Variants in RBFOX1 observed in about 807,000 individuals in gnomAD.
RBFOX1 encodes RNA binding fox-1 homolog 1, also known as RNA binding protein fox-1 homolog 1.
Under a neutral mutation model 57.7 loss-of-function variants are expected in RBFOX1, and 8 were observed. The observed-to-expected ratio is 0.14, with a 90% CI of 0.08 to 0.25. RBFOX1 has a LOEUF of 0.25. Ranked by LOEUF, RBFOX1 falls within the 10% of genes least tolerant of loss-of-function variation. The pLI is 1.00. For synonymous variants in RBFOX1, 326 were observed against 222.4 expected, an observed-to-expected ratio of 1.47 and a Z score of -4.15; for missense variants, 611 against 548.5, an observed-to-expected ratio of 1.11 and a Z score of -1.14.
intron 3 of RBFOX1, among the ~76,000 whole-genome samples, chr16:5,794,870 G>A (rs961129957): frequency 3.3e-5 from 5 of 152,096 alleles, no homozygotes; most frequent in African/African-American, 9.7e-5. Flanking sequence ...CTACTATGGC[G>A]ACATTCGGCA....
At chr16:6,835,607 G>C (rs977972776) in intron 3 of RBFOX1, among the ~76,000 whole-genome samples, 1 of 151,838 alleles carries the variant, frequency 6.6e-6, no homozygotes, top group African/African-American at 2.4e-5. Flanking sequence ...AAAAAAAGTA[G>C]CTGGGCATGG....
chr16:5,447,263 G>A (rs936389805), intron 1 of RBFOX1, among the ~76,000 whole-genome samples: 6 of 152,082 alleles, frequency 3.9e-5, no homozygotes, highest in African/African-American at 1.4e-4. Flanking sequence ...CCTGGAGTTA[G>A]GCATGAGGTC....
chr16:7,235,089 A>G (rs1055540987), intron 4 of RBFOX1, among the ~76,000 whole-genome samples: 1 of 152,202 alleles, frequency 6.6e-6, no homozygotes, highest in African/African-American at 2.4e-5. Flanking sequence ...GAAGAATGTA[A>G]AACAGAAAAA....
At chr16:6,195,200 C>T (rs372007103) in intron 1 of RBFOX1, among the ~76,000 whole-genome samples, 1 of 152,154 alleles carries the variant, frequency 6.6e-6, no homozygotes, top group African/African-American at 2.4e-5. Flanking sequence ...TTACCTACCG[C>T]CTTTTTATCC....
intron 1 of RBFOX1, among the ~76,000 whole-genome samples, chr16:6,020,395 C>T (rs1036301152): frequency 6.6e-6 from 1 of 152,158 alleles, no homozygotes. Flanking sequence ...CCGCTGCCTC[C>T]GCCCGCAGGG....
intron 1 of RBFOX1, among the ~76,000 whole-genome samples, chr16:6,181,000 G>A (rs913153232): frequency 6.6e-6 from 1 of 152,178 alleles, no homozygotes; most frequent in East Asian, 1.9e-4. Flanking sequence ...TGATGGGTTT[G>A]TGTGTATGTG....
At position 6,650,925 on chromosome 16, in the gene RBFOX1, C is replaced by CA. The variant is rs113735133; in HGVS notation, c.-63-3677dup. Reference sequence around the variant, plus strand: ...TGATTGGTTGGTTGTTTTTTGGAAACAGAGTCTCACTTCGTTGCCCAGGCT... The same window carrying CA: ...TGATTGGTTGGTTGTTTTTTGGAAACAAGAGTCTCACTTCGTTGCCCAGGCT... On this transcript the variant is annotated intron_variant, in intron 2 of 15. Coordinates refer to ENST00000550418, the MANE Select transcript of RBFOX1 (RefSeq NM_018723.4). Among the ~76,000 whole-genome samples, 35 of 152,154 alleles carry CA rather than the reference C, an allele frequency of 2.3e-4. 1 individual carries two copies. Among genetic ancestry groups the CA allele is most frequent in the African/African-American group, 7.9e-4 (33 of 41,540 alleles).
chr16:6,800,463 A>T (rs192231375), intron 3 of RBFOX1, among the ~76,000 whole-genome samples: 1 of 151,958 alleles, frequency 6.6e-6, no homozygotes, highest in Admixed American at 6.5e-5. Flanking sequence ...TTTTGGTTCA[A>T]TAAGTCTCGG....
chr16:7,072,476 C>T (rs923830878), intron 4 of RBFOX1, among the ~76,000 whole-genome samples: 1 of 152,194 alleles, frequency 6.6e-6, no homozygotes, highest in Non-Finnish European at 1.5e-5. Flanking sequence ...ACTCTACTCT[C>T]TACTGCCTAT....
At chr16:6,497,707 C>G (rs1417363696) in intron 2 of RBFOX1, among the ~76,000 whole-genome samples, 1 of 151,928 alleles carries the variant, frequency 6.6e-6, no homozygotes, top group African/African-American at 2.4e-5. Context: ...CAGGCAGATA[C>G]CACCATGCCT....
chr16:5,779,039 A>G (rs1467409998), intron 3 of RBFOX1, among the ~76,000 whole-genome samples: 1 of 152,212 alleles, frequency 6.6e-6, no homozygotes, highest in African/African-American at 2.4e-5. Context: ...GAACCAACCT[A>G]TTACTAGAAA....
chr16:6,710,561 C>G (rs966740813), intron 3 of RBFOX1, among the ~76,000 whole-genome samples: 2 of 152,228 alleles, frequency 1.3e-5, no homozygotes, highest in East Asian at 1.9e-4. Context: ...AGGTGCAGGT[C>G]TGGCTGATCC....
chr16:5,673,795 C>T (rs567042083), intron 3 of RBFOX1, among the ~76,000 whole-genome samples: 1 of 152,196 alleles, frequency 6.6e-6, no homozygotes, highest in Non-Finnish European at 1.5e-5. Flanking sequence ...AATTCTTGGC[C>T]TCATTGTAGG....
At chr16:7,354,913 T>C (rs2097188415) in intron 4 of RBFOX1, among the ~76,000 whole-genome samples, 1 of 152,236 alleles carries the variant, frequency 6.6e-6, no homozygotes, top group Non-Finnish European at 1.5e-5. Flanking sequence ...ATTGTATTGC[T>C]ATCTTGTGGT....
chr16:6,532,195 T>C (rs2096667571), intron 2 of RBFOX1, among the ~76,000 whole-genome samples: 1 of 152,176 alleles, frequency 6.6e-6, no homozygotes, highest in African/African-American at 2.4e-5. Flanking sequence ...GGAAACTCTT[T>C]ATCTTCCAGA....
At chr16:7,568,738 T>A (rs2092414874) in intron 5 of RBFOX1, among the ~76,000 whole-genome samples, 1 of 151,676 alleles carries the variant, frequency 6.6e-6, no homozygotes, top group African/African-American at 2.4e-5. Context: ...ACAAAAAAAA[T>A]TAGCCGGGCA....
At chr16:7,041,741 C>G (rs2046256258) in intron 3 of RBFOX1, among the ~76,000 whole-genome samples, 2 of 152,120 alleles carry the variant, frequency 1.3e-5, no homozygotes, top group South Asian at 4.1e-4. Context: ...GGAACAAAGC[C>G]AGGATTTGGA....
At chr16:5,765,302 G>T (rs1357342448) in intron 3 of RBFOX1, among the ~76,000 whole-genome samples, 3 of 152,092 alleles carry the variant, frequency 2.0e-5, no homozygotes, top group Non-Finnish European at 2.9e-5. Context: ...ACAACACTGT[G>T]GTTTATAAAA....
At chr16:7,693,100 A>G (rs544887095) in intron 14 of RBFOX1, among the ~76,000 whole-genome samples, 5 of 152,288 alleles carry the variant, frequency 3.3e-5, no homozygotes, top group African/African-American at 7.2e-5. Context: ...CAGCTTGTAC[A>G]TAGTTCGTAT....
Sources: gnomAD v4.1 joint callset for allele counts (sites outside exome capture counted in the v4.1 genomes callset) on GRCh38, gnomAD v4.1.1 for gene constraint, MANE v1.5 for transcripts, NCBI Gene and HGNC (gene_info 2026-07-23, HGNC 2026-07-21) for gene names.